EYS: variants seen among roughly 807,000 people sequenced by gnomAD.
EYS encodes the protein protein eyes shut homolog.
In EYS, 250 loss-of-function variants were observed where a neutral mutation model predicts 282.1. The observed-to-expected ratio is 0.89, with a 90% CI of 0.80 to 0.98. The LOEUF (loss-of-function observed/expected upper bound fraction) is 0.98. EYS is among the 50% of genes least tolerant of loss of function. The pLI, the probability that EYS is intolerant of heterozygous loss-of-function variation, is 0.00. For synonymous variants in EYS, 1,355 were observed against 1,282.9 expected (o/e 1.06, Z -1.20); for missense variants, 4,016 against 3,709.0 (o/e 1.08, Z -2.15).
chr6:63,968,690 C>T (rs1766417711), intron 35 of EYS, among the ~76,000 whole-genome samples: 1 of 152,198 alleles, frequency 6.6e-6, no homozygotes, highest in African/African-American at 2.4e-5. Context: ...TAATAAAAGA[C>T]TCTCCTGCCA....
At chr6:64,431,229 C>A (rs1774566557) in intron 28 of EYS, among the ~76,000 whole-genome samples, 1 of 152,052 alleles carries the variant, frequency 6.6e-6, no homozygotes, top group African/African-American at 2.4e-5. Context: ...AGGTGGCTGT[C>A]TTCTGTCTTC....
At chr6:64,775,405 C>T (rs1773648424) in intron 22 of EYS, among the ~76,000 whole-genome samples, 2 of 151,860 alleles carry the variant, frequency 1.3e-5, no homozygotes, top group African/African-American at 2.4e-5. Context: ...TGGTTCAAAC[C>T]CCAACTTTGC....
rs531459387 is a variant in EYS at position 64,500,889 on chromosome 6, A to G, written c.5645-61537T>C. On this transcript the variant is annotated intron_variant, in intron 26 of 42. Coordinates refer to ENST00000503581, the MANE Select transcript of EYS (RefSeq NM_001142800.2). ...AGTGTTTTTCCTGTTTTCATTATTG[A>G]TTGCATAACATTGATTATGTTAACT... Among the ~76,000 whole-genome samples, 38 of 152,220 alleles carry G rather than the reference A, an allele frequency of 2.5e-4. No individual in the cohort carries two copies. The East Asian group carries it at 6.8e-3, about 27-fold the overall frequency.
intron 30 of EYS, among the ~76,000 whole-genome samples, chr6:64,296,574 ATATATATATACATATATATATATATTTT>A (rs1561913696): frequency 9.5e-4 from 6 of 6,322 alleles, no homozygotes; most frequent in African/African-American, 4.7e-3. Flanking sequence ...ATATATATAT[ATATATATATACATATATATATATATTTT>A]TTTTTTTTTT....
chr6:65,291,972 G>A (rs1479644404), intron 12 of EYS, among the ~76,000 whole-genome samples: 4 of 151,678 alleles, frequency 2.6e-5, no homozygotes, highest in Non-Finnish European at 5.9e-5. Flanking sequence ...GAATTTTTAT[G>A]AAGAGAGGGA....
intron 2 of EYS, among the ~76,000 whole-genome samples, chr6:65,565,409 C>T (rs796917746): frequency 4.7e-4 from 72 of 152,080 alleles, no homozygotes; most frequent in South Asian, 4.1e-3. Flanking sequence ...TACCATCTTA[C>T]GCCAGTTAGA....
chr6:65,630,110 C>T (rs923709488), intron 2 of EYS, among the ~76,000 whole-genome samples: 2 of 152,206 alleles, frequency 1.3e-5, no homozygotes, highest in African/African-American at 4.8e-5. Context: ...CTCATAAATT[C>T]CACACAGCTG....
intron 26 of EYS, among the ~76,000 whole-genome samples, chr6:64,518,717 C>T (rs1777636914): frequency 6.6e-6 from 1 of 151,132 alleles, no homozygotes; most frequent in Non-Finnish European, 1.5e-5. Flanking sequence ...ATCATGTGAG[C>T]AGTTTCCCCC....
At chr6:64,206,845 A>G (rs542534873) in intron 31 of EYS, among the ~76,000 whole-genome samples, 1 of 152,280 alleles carries the variant, frequency 6.6e-6, no homozygotes, top group African/African-American at 2.4e-5. Context: ...TTTTAAGTTC[A>G]GGGGTATATG....
At chr6:64,906,926 T>A (rs958678615) in intron 16 of EYS, among the ~76,000 whole-genome samples, 2 of 152,232 alleles carry the variant, frequency 1.3e-5, no homozygotes, top group African/African-American at 4.8e-5. Context: ...CATGTATTTC[T>A]AGGCTAGACA....
rs912462124 is a variant in EYS at position 65,375,239 on chromosome 6, A to C, written c.1299+9147T>G. ...AGCCTCTGCTGGTGATACCCAAGCA[A>C]ACAGGGTCTGCAGTGGACCTCCAGC... On this transcript the variant is annotated intron_variant, in intron 8 of 42. Coordinates refer to ENST00000503581, the MANE Select transcript of EYS (RefSeq NM_001142800.2). 2.5e-4 allele frequency among the ~76,000 whole-genome samples: 38 copies of C among 152,216 alleles called. 3 individuals are homozygous for C.
chr6:64,953,352 A>AT (rs1769577483), intron 14 of EYS, among the ~76,000 whole-genome samples: 1 of 151,732 alleles, frequency 6.6e-6, no homozygotes, highest in East Asian at 1.9e-4. Flanking sequence ...AAGGACAAAT[A>AT]TTTTTCTTTG....
intron 13 of EYS, among the ~76,000 whole-genome samples, chr6:65,035,493 A>G (rs796279877): frequency 2.6e-5 from 4 of 152,250 alleles, no homozygotes; most frequent in African/African-American, 9.6e-5. Context: ...AAGTTTCAGG[A>G]TACAAAATCA....
chr6:65,107,680 T>C (rs1775082564), intron 12 of EYS, among the ~76,000 whole-genome samples: 2 of 151,576 alleles, frequency 1.3e-5, no homozygotes, highest in African/African-American at 4.8e-5. Flanking sequence ...GTGGGTGTTT[T>C]TTTTTGTTTG....
At chr6:64,736,080 C>A (rs1772175313) in intron 22 of EYS, among the ~76,000 whole-genome samples, 1 of 151,942 alleles carries the variant, frequency 6.6e-6, no homozygotes, top group Non-Finnish European at 1.5e-5. Flanking sequence ...TATATTATTA[C>A]AAAGGTTTTC....
intron 29 of EYS, among the ~76,000 whole-genome samples, chr6:64,374,411 G>A (rs1772498215): frequency 6.6e-6 from 1 of 151,954 alleles, no homozygotes; most frequent in Admixed American, 6.6e-5. Context: ...GAAGGCTGGT[G>A]GGTGTGGGGT....
chr6:64,210,615 G>A (rs936206505), intron 31 of EYS, among the ~76,000 whole-genome samples: 1 of 151,982 alleles, frequency 6.6e-6, no homozygotes, highest in African/African-American at 2.4e-5. Flanking sequence ...GAGAGGAAAC[G>A]ACTCAAACCA....
At position 64,950,835 on chromosome 6, in the gene EYS, T is replaced by TATATATATATATATATATATA. The variant is rs1562272809; in HGVS notation, c.2260-4922_2260-4921insTATATATATATATATATATAT. Among the ~76,000 whole-genome samples the TATATATATATATATATATATA allele has an allele frequency of 2.0e-4, 10 of 50,176 alleles. 1 individual carries two copies. Among genetic ancestry groups the TATATATATATATATATATATA allele is most frequent in the Middle Eastern group, 0.015 (1 of 66 alleles). 32.9% of individuals were successfully genotyped at this position (50,176 alleles called of 152,430 possible). ...TATATATATATATATATATATATAT[T>TATATATATATATATATATATA]GTTGAATTGTTACAAGAACAACTGA... On this transcript the variant is annotated intron_variant, in intron 14 of 42. Transcript: ENST00000503581.
At chr6:63,995,044 C>T (rs1767773570) in intron 34 of EYS, among the ~76,000 whole-genome samples, 1 of 151,818 alleles carries the variant, frequency 6.6e-6, no homozygotes, top group South Asian at 2.1e-4. Flanking sequence ...TCAAAAAAAG[C>T]TTCTGTGCAG....
Sources: gnomAD v4.1 joint callset for allele counts (sites outside exome capture counted in the v4.1 genomes callset) on GRCh38, gnomAD v4.1.1 for gene constraint, MANE v1.5 for transcripts, NCBI Gene and HGNC (gene_info 2026-07-23, HGNC 2026-07-21) for gene names.